Variants in PPP3R1 observed in about 807,000 individuals in gnomAD.
PPP3R1 encodes calcineurin subunit B type 1.
PPP3R1 carries 5 observed loss-of-function variants against 22.6 expected under a neutral mutation model. The observed-to-expected ratio is 0.22, with a 90% CI of 0.12 to 0.46. The LOEUF is 0.46. PPP3R1 is among the 20% of genes least tolerant of loss of function. The probability of loss-of-function intolerance (pLI) is 0.99; values close to 1 mark genes in which losing one functional copy is unlikely to be tolerated. For missense variants in PPP3R1, 61 were observed against 203.2 expected (o/e 0.30, Z 4.25); for synonymous variants, 56 against 65.2 (o/e 0.86, Z 0.68).
rs1670391275 is a variant in PPP3R1 at position 68,252,466 on chromosome 2, C to G, written c.-339G>C. The G allele has an allele frequency of 6.1e-6, 6 of 988,126 alleles. No homozygotes were observed. In the South Asian group the frequency reaches 2.3e-4, roughly 39 times the overall value. The allele number at this position is 988,126 out of a possible 1,614,324, so 61.2% of individuals were successfully genotyped here. ...CCGGGAAACTCGGGGGCTGCAGCCT[C>G]GCGCTCGCGCCGGAGCCGTGACGGA... On this transcript the variant is annotated 5_prime_UTR_variant, in exon 1 of 6. Coordinates refer to ENST00000234310, the MANE Select transcript of PPP3R1 (RefSeq NM_000945.4).
intron 1 of PPP3R1, among the ~76,000 whole-genome samples, chr2:68,238,769 T>C (rs1406744421): frequency 2.0e-5 from 3 of 152,140 alleles, no homozygotes; most frequent in Non-Finnish European, 4.4e-5. Flanking sequence ...GATGAAGAAG[T>C]AGCAGATTCA....
chr2:68,232,156 T>TATACATATATAA (rs1344290905), intron 1 of PPP3R1, among the ~76,000 whole-genome samples: 13 of 119,230 alleles, frequency 1.1e-4, no homozygotes, highest in African/African-American at 4.5e-4. Context: ...TGTATATATA[T>TATACATATATAA]ATACATATAT....
intron 2 of PPP3R1, among the ~76,000 whole-genome samples, chr2:68,202,019 G>C (rs1243669190): frequency 6.6e-6 from 1 of 152,126 alleles, no homozygotes; most frequent in South Asian, 2.1e-4. Context: ...TTTCAAGAAA[G>C]AGAAATTTCT....
intron 1 of PPP3R1, among the ~76,000 whole-genome samples, chr2:68,220,068 A>G (rs935051042): frequency 1.3e-5 from 2 of 152,248 alleles, no homozygotes; most frequent in African/African-American, 4.8e-5. Flanking sequence ...AACAACATTT[A>G]TCAGGCATTT....
intron 1 of PPP3R1, among the ~76,000 whole-genome samples, chr2:68,242,885 G>A (rs185235101): frequency 1.6e-4 from 24 of 152,264 alleles, no homozygotes; most frequent in Admixed American, 1.4e-3. Context: ...CTTTCTGTAG[G>A]CTGCTATGCT....
At chr2:68,217,187 T>A (rs1669596182) in intron 1 of PPP3R1, 56 bp from the exon 2 acceptor site, 2 of 1,268,020 alleles carry the variant, frequency 1.6e-6, no homozygotes, top group African/African-American at 3.0e-5. Context: ...TTGTTTAAAA[T>A]ATTAAACCTA....
intron 2 of PPP3R1, among the ~76,000 whole-genome samples, chr2:68,198,196 A>G (rs928885806): frequency 7.2e-4 from 105 of 145,404 alleles, no homozygotes; most frequent in African/African-American, 2.5e-3. Context: ...ATATATATTT[A>G]CATATATGTG....
At chr2:68,241,097 A>T (rs1357470842) in intron 1 of PPP3R1, among the ~76,000 whole-genome samples, 1 of 152,172 alleles carries the variant, frequency 6.6e-6, no homozygotes, top group Non-Finnish European at 1.5e-5. Flanking sequence ...CTCAGTATCC[A>T]CTGGGAACTG....
intron 1 of PPP3R1, among the ~76,000 whole-genome samples, chr2:68,222,559 A>C (rs747131338): frequency 7.2e-5 from 11 of 152,214 alleles, no homozygotes; most frequent in Non-Finnish European, 1.3e-4. Context: ...CCTGAGCTGC[A>C]AAGTCAAGCT....
chr2:68,247,482 T>G (rs759407559), intron 1 of PPP3R1, among the ~76,000 whole-genome samples: 2 of 152,214 alleles, frequency 1.3e-5, no homozygotes, highest in Non-Finnish European at 2.9e-5. Flanking sequence ...GGCCATGACA[T>G]GTATGTAGCA....
intron 5 of PPP3R1, among the ~76,000 whole-genome samples, chr2:68,183,148 G>A (rs1206520735): frequency 6.6e-6 from 1 of 152,184 alleles, no homozygotes; most frequent in Non-Finnish European, 1.5e-5. Flanking sequence ...TTTCCAAAAT[G>A]AGAAGGCCTT....
rs71395958 is a variant in PPP3R1, at chr2:68,202,792, A to ATTTTTTTTTTTTTT, written c.44-14116_44-14103dup. On this transcript the variant is annotated intron_variant, in intron 2 of 5. Transcript: ENST00000234310. ...TAATATATACTAGAGAGTTCAGGGA[A>ATTTTTTTTTTTTTT]TTTTTTTTTTTTTTTTTTTTTTTTT... Among the ~76,000 whole-genome samples the ATTTTTTTTTTTTTT allele has an allele frequency of 4.6e-4, 37 of 81,212 alleles. 6 individuals carry two copies. Among genetic ancestry groups the ATTTTTTTTTTTTTT allele is most frequent in the African/African-American group, 2.2e-3 (35 of 16,166 alleles). The allele number at this position is 81,212 out of a possible 152,430, so 53.3% of individuals were successfully genotyped here. A position where few individuals can be genotyped will look rare whatever the true frequency, so the allele number is the denominator to read the frequency against.
At chr2:68,232,222 T>A (rs1669926058) in intron 1 of PPP3R1, among the ~76,000 whole-genome samples, 1 of 78,106 alleles carries the variant, frequency 1.3e-5, no homozygotes, top group Non-Finnish European at 2.2e-5. Context: ...TATATGTATA[T>A]ATGTGTGTGT....
chr2:68,243,175 AATT>A (rs571072739), intron 1 of PPP3R1, among the ~76,000 whole-genome samples: 30 of 152,208 alleles, frequency 2.0e-4, no homozygotes, highest in Non-Finnish European at 3.7e-4. Flanking sequence ...GAATTGTTTA[AATT>A]ATTAGTGCTA....
chr2:68,226,012 G>C lies in PPP3R1; in HGVS notation c.4-8881C>G, dbSNP rs529782083. 2.6e-3 allele frequency among the ~76,000 whole-genome samples: 397 copies of C among 152,216 alleles called. 2 individuals carry two copies. The highest frequency in any genetic ancestry group is 9.2e-3 in the African/African-American group (380 of 41,524). The stretch of plus-strand genomic sequence containing the variant: ...TACTATTCGGTAATGAATAGGAAAA[G>C]ACTACTAATACACCCAATAACATAA... On this transcript the variant is annotated intron_variant, in intron 1 of 5. Transcript: ENST00000234310.
chr2:68,219,585 TA>T (rs1669646605), intron 1 of PPP3R1, among the ~76,000 whole-genome samples: 1 of 152,214 alleles, frequency 6.6e-6, no homozygotes, highest in South Asian at 2.1e-4. Flanking sequence ...CATCAGTTTG[TA>T]AATTATTATA....
intron 1 of PPP3R1, among the ~76,000 whole-genome samples, chr2:68,236,229 ATATT>A (rs1670017122): frequency 6.6e-6 from 1 of 152,020 alleles, no homozygotes; most frequent in African/African-American, 2.4e-5. Flanking sequence ...GGTATCATAT[ATATT>A]AAGAAACTAT....
chr2:68,236,627 A>G lies in PPP3R1; in HGVS notation c.3+15498T>C, dbSNP rs76692965. 6.2e-3 allele frequency among the ~76,000 whole-genome samples: 950 copies of G among 152,316 alleles called. 3 individuals are homozygous for G. Among genetic ancestry groups the G allele is most frequent in the Non-Finnish European group, 0.011 (749 of 68,008 alleles). On this transcript the variant is annotated intron_variant, in intron 1 of 5. Coordinates refer to ENST00000234310, the MANE Select transcript of PPP3R1 (RefSeq NM_000945.4). Reference sequence around the variant, plus strand: ...GGGAAGAGGTCAGTATAACATCAGAAGCCAGATACAGCTTTTACTATTTAA... The same window carrying G: ...GGGAAGAGGTCAGTATAACATCAGAGGCCAGATACAGCTTTTACTATTTAA...
rs560348260 is a variant in PPP3R1, at chr2:68,192,281, T to C, written c.44-3591A>G. 4.6e-5 allele frequency among the ~76,000 whole-genome samples: 7 copies of C among 152,182 alleles called. No individual in the cohort carries two copies. In the East Asian group the frequency reaches 7.7e-4, roughly 17 times the overall value. On this transcript the variant is annotated intron_variant, in intron 2 of 5. Transcript: ENST00000234310. ...TGAGTTTTGCCTTAGTTTACAACCA[T>C]AGACTAGGAAAGGTGACAGGGAATT...
Sources: gnomAD v4.1 joint callset for allele counts (sites outside exome capture counted in the v4.1 genomes callset) on GRCh38, gnomAD v4.1.1 for gene constraint, MANE v1.5 for transcripts, NCBI Gene and HGNC (gene_info 2026-07-23, HGNC 2026-07-21) for gene names.